ACACA: variants seen among roughly 807,000 people sequenced by gnomAD.
The protein encoded by ACACA is acetyl-CoA carboxylase alpha, also known as acetyl-CoA carboxylase 1.
Under a neutral mutation model 296.1 loss-of-function variants are expected in ACACA, and 103 were observed. The ratio of observed to expected loss-of-function variants is 0.35; its 90% CI spans 0.30 to 0.41. ACACA has a LOEUF of 0.41. Ranked by LOEUF, ACACA falls within the 10% of genes least tolerant of loss-of-function variation. The pLI is 1.00. For synonymous variants in ACACA, 953 were observed against 1,038.6 expected (o/e 0.92, Z 1.58); for missense variants, 1,554 against 2,989.7 (o/e 0.52, Z 11.20).
intron 30 of ACACA, among the ~76,000 whole-genome samples, chr17:37,209,429 A>G (rs1221289606): frequency 1.3e-5 from 2 of 152,244 alleles, no homozygotes; most frequent in African/African-American, 4.8e-5. Context: ...TGTGGCAACC[A>G]TGGGGTTAAG....
At chr17:37,304,714 C>T (rs931816269) in intron 3 of ACACA, among the ~76,000 whole-genome samples, 7 of 151,376 alleles carry the variant, frequency 4.6e-5, no homozygotes, top group African/African-American at 1.7e-4. Flanking sequence ...TGCTTGAACC[C>T]GGGAGGCAGA....
At chr17:37,231,961 T>C (rs1033375517) in intron 25 of ACACA, among the ~76,000 whole-genome samples, 4 of 152,234 alleles carry the variant, frequency 2.6e-5, no homozygotes, top group Admixed American at 1.3e-4. Context: ...CCAGACTTTG[T>C]GTTAAATTGT....
At chr17:37,274,360 G>T in intron 8 of ACACA, 61 bp from the exon 9 acceptor site, 2 of 1,441,932 alleles carry the variant, frequency 1.4e-6, no homozygotes, top group Non-Finnish European at 2.0e-6. Context: ...TCAATTTTCT[G>T]CTCTGCATTC....
At chr17:37,145,986 T>C (rs2075790322) in intron 45 of ACACA, among the ~76,000 whole-genome samples, 1 of 151,832 alleles carries the variant, frequency 6.6e-6, no homozygotes, top group Non-Finnish European at 1.5e-5. Flanking sequence ...AATACGAAGG[T>C]GGGAAGCACT....
intron 41 of ACACA, among the ~76,000 whole-genome samples, chr17:37,166,586 A>T (rs1027944821): frequency 2.0e-5 from 3 of 152,226 alleles, no homozygotes; most frequent in East Asian, 3.8e-4. Context: ...AATAACTACC[A>T]TTAATTGAAC....
intron 1 of ACACA, among the ~76,000 whole-genome samples, chr17:37,348,837 T>C (rs1202394307): frequency 8.7e-5 from 13 of 150,144 alleles, no homozygotes; most frequent in Admixed American, 8.1e-4. Context: ...TAGGCCCAGA[T>C]ACTCAGGAGG....
chr17:37,291,251 C>T (rs2083051778), intron 3 of ACACA, among the ~76,000 whole-genome samples: 1 of 151,678 alleles, frequency 6.6e-6, no homozygotes, highest in Non-Finnish European at 1.5e-5. Context: ...TCTCAGCTCA[C>T]CGCAACCTCC....
Position 37,086,868 on chromosome 17 carries a change from C to T in ACACA, c.*448G>A. The T allele has an allele frequency of 3.8e-6, 1 of 263,710 alleles. No homozygotes were observed. The highest frequency in any genetic ancestry group is 8.9e-5 in the East Asian group (1 of 11,232). 16.3% of individuals were successfully genotyped at this position (263,710 alleles called of 1,614,324 possible). ...AATGGACTTGAGGCTTCCTCCTCTC[C>T]TTAGCCCTCCTCTGCTGCCTGTGGC... On this transcript the variant is annotated 3_prime_UTR_variant, in exon 56 of 56. Transcript: ENST00000616317.
intron 11 of ACACA, among the ~76,000 whole-genome samples, chr17:37,260,767 A>G (rs1468274520): frequency 6.6e-6 from 1 of 152,188 alleles, no homozygotes; most frequent in Non-Finnish European, 1.5e-5. Context: ...AAGAAAAAGA[A>G]AAGAAAGAAT....
Position 37,166,391 on chromosome 17 carries a change from G to A in ACACA, c.5080-4341C>T, listed in dbSNP as rs955469864. Among the ~76,000 whole-genome samples the A allele has an allele frequency of 2.2e-4, 33 of 151,996 alleles. 1 individual carries two copies. Among genetic ancestry groups the A allele is most frequent in the East Asian group, 1.9e-4 (1 of 5,176 alleles). On this transcript the variant is annotated intron_variant, in intron 41 of 55. Transcript: ENST00000616317. ...TGGACTCAAGTGATCCTCCTGTCTCGGCCTCCCAAAATGCTGGGATTACAG... is the reference window on the plus strand; with the variant it reads ...TGGACTCAAGTGATCCTCCTGTCTCAGCCTCCCAAAATGCTGGGATTACAG...
intron 1 of ACACA, among the ~76,000 whole-genome samples, chr17:37,353,630 C>T (rs2049002507): frequency 1.0e-5 from 1 of 99,582 alleles, no homozygotes; most frequent in Non-Finnish European, 1.8e-5. Context: ...CAGAGCAAGA[C>T]TCCGTCTAAA....
chr17:37,237,237 AT>A (rs780268328), intron 24 of ACACA, among the ~76,000 whole-genome samples: 3 of 152,322 alleles, frequency 2.0e-5, no homozygotes, highest in East Asian at 3.9e-4. Context: ...TGGTAGGAAT[AT>A]ACCAGACTTC....
At chr17:37,383,682 G>A (rs1330543793) in intron 1 of ACACA, among the ~76,000 whole-genome samples, 1 of 152,090 alleles carries the variant, frequency 6.6e-6, no homozygotes, top group African/African-American at 2.4e-5. Context: ...CGAGTAGCTG[G>A]GATTACAGCA....
At chr17:37,376,000 C>A in intron 1 of ACACA, 2 of 1,086,700 alleles carry the variant, frequency 1.8e-6, no homozygotes, top group South Asian at 1.3e-5. Flanking sequence ...TTGGTTCCAG[C>A]TGCGTGTGGT....
chr17:37,167,198 G>C (rs1373062280), intron 41 of ACACA, among the ~76,000 whole-genome samples: 1 of 140,508 alleles, frequency 7.1e-6, no homozygotes, highest in Non-Finnish European at 1.5e-5. Flanking sequence ...CTGACCTTGT[G>C]ATCCGCCCGC....
At position 37,112,670 on chromosome 17, in the gene ACACA, T is replaced by C. The variant is rs73287932; in HGVS notation, c.6452+418A>G. On this transcript the variant is annotated intron_variant, in intron 51 of 55. Coordinates refer to ENST00000616317, the MANE Select transcript of ACACA (RefSeq NM_198834.3). ...GGACTCTCCTAAGCAGCCTTTGACATAGAAGGCTGAATCTGGGGGGACAAG... is the reference window on the plus strand; with the variant it reads ...GGACTCTCCTAAGCAGCCTTTGACACAGAAGGCTGAATCTGGGGGGACAAG... Among the ~76,000 whole-genome samples the C allele has an allele frequency of 3.2e-3, 483 of 152,230 alleles. 3 individuals are homozygous for C. Among genetic ancestry groups the C allele is most frequent in the African/African-American group, 0.011 (469 of 41,536 alleles).
chr17:37,183,241 T>C (rs968988238), intron 39 of ACACA, among the ~76,000 whole-genome samples: 7 of 152,268 alleles, frequency 4.6e-5, no homozygotes, highest in African/African-American at 1.4e-4. Flanking sequence ...AGCAACATAA[T>C]TGTGCACTGA....
At chr17:37,200,277 A>C (rs1215877597) in intron 34 of ACACA, 94 bp from the exon 35 acceptor site, 1 of 1,381,498 alleles carries the variant, frequency 7.2e-7, no homozygotes, top group Non-Finnish European at 1.0e-6. Flanking sequence ...TGATGAGTTA[A>C]ACTAATGTTT....
intron 1 of ACACA, among the ~76,000 whole-genome samples, chr17:37,359,624 G>T (rs928162271): frequency 1.3e-5 from 2 of 152,200 alleles, no homozygotes; most frequent in Admixed American, 1.3e-4. Flanking sequence ...GCCTGTAGAG[G>T]CGGGGAAAGG....
Sources: allele counts gnomAD v4.1 joint callset (sites outside exome capture counted in the v4.1 genomes callset), GRCh38; gene constraint gnomAD v4.1.1; transcripts MANE v1.5; gene names NCBI Gene and HGNC (gene_info 2026-07-23, HGNC 2026-07-21).